LPP: variants seen among roughly 807,000 people sequenced by gnomAD.
The protein encoded by LPP is LIM domain containing preferred translocation partner in lipoma.
A neutral mutation model predicts 60.4 loss-of-function variants in LPP; 38 were observed. The observed-to-expected ratio is 0.63, with a 90% CI of 0.49 to 0.83. LPP has a LOEUF of 0.83. Among genes scored for constraint, LPP ranks in the 40% least tolerant of loss-of-function variants. The pLI, the probability that LPP is intolerant of heterozygous loss-of-function variation, is 0.00. For missense variants in LPP, 902 were observed against 783.6 expected, an observed-to-expected ratio of 1.15 and a Z score of -1.80; for synonymous variants, 328 against 290.8, an observed-to-expected ratio of 1.13 and a Z score of -1.30.
intron 8 of LPP, among the ~76,000 whole-genome samples, chr3:188,723,410 T>A (rs1717204006): frequency 6.6e-6 from 1 of 152,160 alleles, no homozygotes; most frequent in South Asian, 2.1e-4. Context: ...TCAAGAGAGT[T>A]TGGGGCCCCT....
At chr3:188,211,576 A>G (rs1052997091) in intron 1 of LPP, among the ~76,000 whole-genome samples, 3 of 151,888 alleles carry the variant, frequency 2.0e-5, no homozygotes, top group Non-Finnish European at 2.9e-5. Flanking sequence ...GATCAGATTC[A>G]TTCCTGATTG....
At chr3:188,350,946 A>G (rs1765668807) in intron 3 of LPP, among the ~76,000 whole-genome samples, 1 of 152,122 alleles carries the variant, frequency 6.6e-6, no homozygotes, top group African/African-American at 2.4e-5. Context: ...CTGCCTGAGG[A>G]ACCAGCACGT....
At chr3:188,348,603 TG>T (rs745487517) in intron 3 of LPP, among the ~76,000 whole-genome samples, 3 of 152,268 alleles carry the variant, frequency 2.0e-5, no homozygotes, top group Non-Finnish European at 4.4e-5. Context: ...TCTTGACAGT[TG>T]TAAGTCTCTT....
chr3:188,447,112 A>G (rs1217938862), intron 4 of LPP, among the ~76,000 whole-genome samples: 1 of 152,210 alleles, frequency 6.6e-6, no homozygotes, highest in East Asian at 1.9e-4. Flanking sequence ...GAAAAACCTC[A>G]GAGATCATCT....
intron 1 of LPP, among the ~76,000 whole-genome samples, chr3:188,223,041 T>C (rs1412313971): frequency 6.6e-6 from 1 of 152,358 alleles, no homozygotes; most frequent in Middle Eastern, 3.4e-3. Context: ...GTGTCTCATC[T>C]TGAATTTGTC....
intron 9 of LPP, among the ~76,000 whole-genome samples, chr3:188,782,544 A>T (rs1314278519): frequency 6.6e-6 from 1 of 152,128 alleles, no homozygotes. Flanking sequence ...GCCTCCTAAG[A>T]TATGTTTAAT....
At chr3:188,661,714 T>G (rs1854610416) in intron 7 of LPP, among the ~76,000 whole-genome samples, 1 of 152,230 alleles carries the variant, frequency 6.6e-6, no homozygotes, top group Admixed American at 6.6e-5. Context: ...TGCAAATACT[T>G]TCTCCCACTC....
chr3:188,328,830 T>C (rs1327703838), intron 2 of LPP, among the ~76,000 whole-genome samples: 2 of 152,222 alleles, frequency 1.3e-5, no homozygotes, highest in East Asian at 1.9e-4. Context: ...TAACATTTTA[T>C]GTGATCAGGT....
chr3:188,156,919 C>T (rs995953342), intron 1 of LPP, among the ~76,000 whole-genome samples: 1 of 151,494 alleles, frequency 6.6e-6, no homozygotes, highest in African/African-American at 2.4e-5. Context: ...TACTGAATAC[C>T]TATTACGTAC....
At chr3:188,219,857 A>G (rs934622212) in intron 1 of LPP, among the ~76,000 whole-genome samples, 1 of 152,098 alleles carries the variant, frequency 6.6e-6, no homozygotes, top group East Asian at 1.9e-4. Context: ...AACCTCTCCA[A>G]TCTTCATTCA....
At chr3:188,718,626 A>G (rs1389951524) in intron 8 of LPP, among the ~76,000 whole-genome samples, 1 of 152,164 alleles carries the variant, frequency 6.6e-6, no homozygotes, top group African/African-American at 2.4e-5. Flanking sequence ...CGTGAGGGCA[A>G]CAATTTATGT....
intron 9 of LPP, among the ~76,000 whole-genome samples, chr3:188,770,344 A>AT (rs61040174): frequency 4.1e-4 from 47 of 115,366 alleles, no homozygotes; most frequent in South Asian, 1.6e-3. Context: ...ACGCCCAGCT[A>AT]TTTTTTTTTT....
intron 7 of LPP, among the ~76,000 whole-genome samples, chr3:188,625,616 A>C (rs759086723): frequency 8.5e-5 from 13 of 152,212 alleles, no homozygotes; most frequent in Non-Finnish European, 1.8e-4. Flanking sequence ...AATCAACAAT[A>C]TGAAATATGT....
chr3:188,294,345 A>G (rs1252629331), intron 2 of LPP, among the ~76,000 whole-genome samples: 1 of 152,212 alleles, frequency 6.6e-6, no homozygotes, highest in African/African-American at 2.4e-5. Flanking sequence ...TGTAAATTAT[A>G]TCTCAATAAA....
intron 6 of LPP, among the ~76,000 whole-genome samples, chr3:188,525,157 G>A (rs375076816): frequency 3.3e-5 from 5 of 151,804 alleles, no homozygotes; most frequent in South Asian, 2.1e-4. Context: ...AGTAGAGACC[G>A]GGTTTCACCA....
intron 5 of LPP, among the ~76,000 whole-genome samples, chr3:188,494,469 TAAATCACTTCAGTC>T (rs1246263790): frequency 2.0e-5 from 3 of 152,172 alleles, no homozygotes; most frequent in Non-Finnish European, 1.5e-5. Context: ...ATAAACTCAT[TAAATCACTTCAGTC>T]AAATCACTTT....
chr3:188,529,581 T>C (rs924938588), intron 6 of LPP, among the ~76,000 whole-genome samples: 1 of 151,252 alleles, frequency 6.6e-6, no homozygotes, highest in African/African-American at 2.5e-5. Flanking sequence ...TAGGTTTTGC[T>C]AAAGCATTTT....
intron 1 of LPP, among the ~76,000 whole-genome samples, chr3:188,177,951 C>T (rs116232149): frequency 0.014 from 2,110 of 152,330 alleles, 24 homozygotes; most frequent in Non-Finnish European, 0.02. Flanking sequence ...TGGTTCTAAG[C>T]CCTGGCCAAT....
intron 3 of LPP, among the ~76,000 whole-genome samples, chr3:188,398,522 G>A (rs1781493553): frequency 6.6e-6 from 1 of 152,240 alleles, no homozygotes; most frequent in African/African-American, 2.4e-5. Flanking sequence ...CACTTAGCCA[G>A]TGCTGGGCCA....
Sources: gnomAD v4.1 joint callset for allele counts (sites outside exome capture counted in the v4.1 genomes callset) on GRCh38, gnomAD v4.1.1 for gene constraint, MANE v1.5 for transcripts, NCBI Gene and HGNC (gene_info 2026-07-23, HGNC 2026-07-21) for gene names.